Variants in MED15 observed in about 807,000 individuals in gnomAD.
MED15 encodes mediator of RNA polymerase II transcription subunit 15.
In MED15, 41 loss-of-function variants were observed where a neutral mutation model predicts 118.7. The ratio of observed to expected loss-of-function variants is 0.35; its 90% confidence interval spans 0.27 to 0.45. The LOEUF is 0.45. MED15 is among the 20% of genes least tolerant of loss of function. The pLI, the probability that MED15 is intolerant of heterozygous loss-of-function variation, is 1.00. For synonymous variants in MED15, 436 were observed against 413.9 expected (o/e 1.05, Z -0.65); for missense variants, 740 against 1,025.5 (o/e 0.72, Z 3.80).
intron 5 of MED15, among the ~76,000 whole-genome samples, chr22:20,557,790 T>A (rs984460101): frequency 6.6e-6 from 1 of 152,074 alleles, no homozygotes; most frequent in African/African-American, 2.4e-5. Flanking sequence ...AGGGGACTGG[T>A]CTTCTGTGTG....
At chr22:20,556,118 A>G (rs2055993674) in intron 5 of MED15, among the ~76,000 whole-genome samples, 1 of 152,000 alleles carries the variant, frequency 6.6e-6, no homozygotes. Flanking sequence ...TTCCCCTTTC[A>G]TGTAACTTTT....
chr22:20,544,475 C>G (rs2055443691), intron 2 of MED15, among the ~76,000 whole-genome samples: 1 of 152,100 alleles, frequency 6.6e-6, no homozygotes, highest in South Asian at 2.1e-4. Flanking sequence ...ACCATCCTGG[C>G]TAACATGGTG....
chr22:20,565,684 C>T (rs1255002692), intron 6 of MED15, among the ~76,000 whole-genome samples: 10 of 152,204 alleles, frequency 6.6e-5, no homozygotes, highest in Admixed American at 3.3e-4. Context: ...ACTTTTCCTT[C>T]TCCTGCTGAC....
chr22:20,521,196 C>T (rs891112133), intron 1 of MED15, among the ~76,000 whole-genome samples: 4 of 143,226 alleles, frequency 2.8e-5, no homozygotes, highest in East Asian at 2.2e-4. Flanking sequence ...TCCTAGGTTC[C>T]GGCAGTTCTC....
chr22:20,553,371 T>C (rs1288635912), intron 4 of MED15, among the ~76,000 whole-genome samples, 197 bp downstream of exon 4: 1 of 152,152 alleles, frequency 6.6e-6, no homozygotes, highest in Non-Finnish European at 1.5e-5. Flanking sequence ...GACTGTGAAG[T>C]CGCATGATCC....
intron 5 of MED15, among the ~76,000 whole-genome samples, chr22:20,559,644 A>G (rs2056154528): frequency 6.6e-6 from 1 of 152,212 alleles, no homozygotes; most frequent in Non-Finnish European, 1.5e-5. Context: ...CAATGAGTAC[A>G]CTCAGCAGTA....
At chr22:20,576,321 G>A (rs2056823192) in intron 9 of MED15, among the ~76,000 whole-genome samples, 1 of 152,198 alleles carries the variant, frequency 6.6e-6, no homozygotes, top group South Asian at 2.1e-4. Context: ...ATCCCTGAAC[G>A]CCCAGGTGCA....
chr22:20,568,342 T>G (rs1440855156), intron 7 of MED15, among the ~76,000 whole-genome samples, 179 bp from the exon 8 acceptor site: 1 of 152,132 alleles, frequency 6.6e-6, no homozygotes, highest in Non-Finnish European at 1.5e-5. Context: ...CTTGCCAGAA[T>G]TGGATTTGAG....
At chr22:20,586,431 G>A (rs973121321) in intron 17 of MED15, 137 bp from the exon 18 acceptor site, 70 of 1,292,906 alleles carry the variant, frequency 5.4e-5, no homozygotes, top group African/African-American at 1.5e-4. Context: ...CCCAAAGGCC[G>A]GGCAGCGTGC....
chr22:20,542,118 T>C (rs1489843865), intron 2 of MED15, among the ~76,000 whole-genome samples: 1 of 152,182 alleles, frequency 6.6e-6, no homozygotes, highest in Non-Finnish European at 1.5e-5. Flanking sequence ...TCTCATACAT[T>C]GCTGGAGAGA....
At chr22:20,570,143 G>A (rs2056591748) in intron 8 of MED15, among the ~76,000 whole-genome samples, 1 of 152,110 alleles carries the variant, frequency 6.6e-6, no homozygotes, top group Non-Finnish European at 1.5e-5. Flanking sequence ...TCCTGCCTCA[G>A]GTTCCCGAGT....
chr22:20,514,674 A>C (rs765500976), intron 1 of MED15, among the ~76,000 whole-genome samples: 4 of 152,200 alleles, frequency 2.6e-5, no homozygotes, highest in Non-Finnish European at 5.9e-5. Flanking sequence ...GCCTCCAGAG[A>C]GACGTGAGCT....
intron 2 of MED15, among the ~76,000 whole-genome samples, chr22:20,549,405 C>G (rs1016178861): frequency 6.6e-6 from 1 of 151,448 alleles, no homozygotes; most frequent in Non-Finnish European, 1.5e-5. Flanking sequence ...TGCAGCAGTT[C>G]TAGGGGAGTT....
At chr22:20,560,908 A>T (rs1350079751) in intron 5 of MED15, among the ~76,000 whole-genome samples, 1 of 150,386 alleles carries the variant, frequency 6.6e-6, no homozygotes, top group Admixed American at 6.6e-5. Context: ...TCTGCTGTGA[A>T]GAGTTAAAAT....
intron 1 of MED15, among the ~76,000 whole-genome samples, chr22:20,515,124 C>T (rs567260920): frequency 1.3e-5 from 2 of 152,320 alleles, no homozygotes; most frequent in East Asian, 3.9e-4. Context: ...GTGACAGTGA[C>T]CTGAGGGGAC....
At chr22:20,526,824 G>A (rs1076348) in intron 1 of MED15, among the ~76,000 whole-genome samples, 9,186 of 152,234 alleles carry the variant, frequency 0.06, 646 homozygotes, top group East Asian at 0.38. Flanking sequence ...AGCCCTCAGC[G>A]TGCTTGTCTG....
rs563519452 is a variant in MED15, at chr22:20,585,932, C to G, written c.2230+106C>G. 35 of 1,047,452 alleles carry G rather than the reference C, an allele frequency of 3.3e-5. No individual in the cohort carries two copies. In the African/African-American group the frequency reaches 4.1e-4, roughly 12 times the overall value. The allele number at this position is 1,047,452 out of a possible 1,614,324, so 64.9% of individuals were successfully genotyped here. Reference sequence around the variant, plus strand: ...GGACAGCCTCTGTGTGCTCCTGCCCCTCCCCAGCTCAGGCCCCTCCCTCCC... The same window carrying G: ...GGACAGCCTCTGTGTGCTCCTGCCCGTCCCCAGCTCAGGCCCCTCCCTCCC... On this transcript the variant is annotated intron_variant, in intron 17 of 17. Coordinates refer to ENST00000263205, the MANE Select transcript of MED15 (RefSeq NM_001003891.3).
chr22:20,545,834 C>A (rs184650862), intron 2 of MED15, among the ~76,000 whole-genome samples: 10 of 152,268 alleles, frequency 6.6e-5, no homozygotes, highest in Admixed American at 2.0e-4. Context: ...ATTTCAAAAT[C>A]TATTAGGAAA....
At chr22:20,542,776 A>G (rs998519903) in intron 2 of MED15, among the ~76,000 whole-genome samples, 1 of 152,202 alleles carries the variant, frequency 6.6e-6, no homozygotes, top group Non-Finnish European at 1.5e-5. Context: ...AACATTCTCA[A>G]AATCCTTGTG....
Sources: allele counts gnomAD v4.1 joint callset (sites outside exome capture counted in the v4.1 genomes callset), GRCh38; gene constraint gnomAD v4.1.1; transcripts MANE v1.5; gene names NCBI Gene and HGNC (gene_info 2026-07-23, HGNC 2026-07-21).